Variants in MYO3B observed in about 807,000 individuals in gnomAD.
MYO3B encodes the protein myosin-IIIb.
A neutral mutation model predicts 174.6 loss-of-function variants in MYO3B; 156 were observed. The ratio of observed to expected loss-of-function variants is 0.89; its 90% CI spans 0.78 to 1.02. MYO3B has a LOEUF of 1.02. Among genes scored for constraint, MYO3B ranks in the 50% least tolerant of loss-of-function variants. The probability of loss-of-function intolerance (pLI) is 0.00; values close to 1 mark genes in which losing one functional copy is unlikely to be tolerated. For synonymous variants in MYO3B, 563 were observed against 569.1 expected, an observed-to-expected ratio of 0.99 and a Z score of 0.15; for missense variants, 1,632 against 1,639.4, an observed-to-expected ratio of 1.00 and a Z score of 0.08.
intron 30 of MYO3B, among the ~76,000 whole-genome samples, chr2:170,541,510 AT>A (rs1690103971): frequency 6.6e-6 from 1 of 152,242 alleles, no homozygotes; most frequent in Admixed American, 6.5e-5. Flanking sequence ...TATCTGTATG[AT>A]AGATACAATT....
At chr2:170,622,626 G>C (rs890976344) in intron 32 of MYO3B, among the ~76,000 whole-genome samples, 3 of 151,970 alleles carry the variant, frequency 2.0e-5, no homozygotes, top group Non-Finnish European at 2.9e-5. Context: ...ACAACGTGCA[G>C]GTTTGTTACA....
At chr2:170,246,071 A>G (rs1239255407) in intron 7 of MYO3B, among the ~76,000 whole-genome samples, 2 of 152,206 alleles carry the variant, frequency 1.3e-5, no homozygotes, top group East Asian at 1.9e-4. Context: ...GATAACATGC[A>G]TATTATTTTA....
intron 32 of MYO3B, among the ~76,000 whole-genome samples, chr2:170,624,624 G>A (rs1696243424): frequency 6.6e-6 from 1 of 152,170 alleles, no homozygotes; most frequent in African/African-American, 2.4e-5. Context: ...TGGTGAGAGA[G>A]GGCATCCTTG....
At chr2:170,318,690 G>A (rs1161165997) in intron 7 of MYO3B, among the ~76,000 whole-genome samples, 1 of 152,198 alleles carries the variant, frequency 6.6e-6, no homozygotes, top group East Asian at 1.9e-4. Context: ...CCTCTATGCA[G>A]AGAAGACGTA....
chr2:170,279,002 T>C (rs1393238621), intron 7 of MYO3B, among the ~76,000 whole-genome samples: 1 of 152,150 alleles, frequency 6.6e-6, no homozygotes. Context: ...GTAATTCCAT[T>C]GGGTAAATAT....
intron 25 of MYO3B, among the ~76,000 whole-genome samples, chr2:170,470,183 C>T (rs1684900638): frequency 7.3e-6 from 1 of 137,890 alleles, no homozygotes. Flanking sequence ...GTTGTATAAA[C>T]ATGACTACCA....
chr2:170,632,850 A>G (rs1024354189), intron 32 of MYO3B, among the ~76,000 whole-genome samples: 2 of 152,174 alleles, frequency 1.3e-5, no homozygotes, highest in African/African-American at 4.8e-5. Flanking sequence ...AGAATACTAT[A>G]AACACCTCTA....
chr2:170,333,921 C>T (rs2093929258), intron 7 of MYO3B: 1 of 152,128 alleles, frequency 6.6e-6, no homozygotes, highest in East Asian at 1.9e-4. Context: ...CTGCATGTAC[C>T]AGTGGCTTGA....
intron 32 of MYO3B, among the ~76,000 whole-genome samples, chr2:170,618,488 G>C (rs895663015): frequency 2.6e-5 from 4 of 152,168 alleles, no homozygotes; most frequent in Admixed American, 6.5e-5. Flanking sequence ...GTTTCCTGCT[G>C]TGGTGCTTTT....
intron 32 of MYO3B, among the ~76,000 whole-genome samples, chr2:170,624,183 T>C (rs57982370): frequency 0.012 from 1,838 of 152,360 alleles, 28 homozygotes; most frequent in East Asian, 0.043. Context: ...ATTTTCACAA[T>C]ATTGATTCTT....
At chr2:170,509,463 C>A (rs181722014) in intron 28 of MYO3B, among the ~76,000 whole-genome samples, 2 of 152,306 alleles carry the variant, frequency 1.3e-5, no homozygotes, top group East Asian at 1.9e-4. Flanking sequence ...ACAGTAAAAT[C>A]TTTGTAAAAA....
At chr2:170,558,946 C>T (rs1477123034) in intron 32 of MYO3B, among the ~76,000 whole-genome samples, 2 of 152,208 alleles carry the variant, frequency 1.3e-5, no homozygotes, top group African/African-American at 4.8e-5. Context: ...GCTTAACACA[C>T]TACTTCACAT....
At position 170,499,760 on chromosome 2, in the gene MYO3B, A is replaced by G; in HGVS notation, c.3241A>G (p.Lys1081Glu). ...GGGGTGGCTTGGAGCCAGGAGATAC[A>G]AAAGGGTCAGAGAGAAGAGAGAGAA... ...TKGWLGARRY[K>E]RVREKREKGA... is the part of the protein sequence containing the mutation. The change falls in exon 27 of 35, where the codon AAA becomes GAA. Residue 1081 changes from lysine (K) to glutamate (E), a missense_variant. Transcript: ENST00000408978. 1 of 1,614,114 alleles carries G rather than the reference A, an allele frequency of 6.2e-7. No homozygotes were observed. Among genetic ancestry groups the G allele is most frequent in the Non-Finnish European group, 8.5e-7 (1 of 1,179,974 alleles).
chr2:170,488,412 G>A (rs114839988), intron 25 of MYO3B, among the ~76,000 whole-genome samples: 2,765 of 152,204 alleles, frequency 0.018, 30 homozygotes, highest in Non-Finnish European at 0.029. Flanking sequence ...TTGTGTGTGT[G>A]CCTTTGTGTC....
chr2:170,513,443 A>T (rs1688103622), intron 28 of MYO3B, among the ~76,000 whole-genome samples: 1 of 152,058 alleles, frequency 6.6e-6, no homozygotes, highest in Non-Finnish European at 1.5e-5. Flanking sequence ...TTCCATTGCC[A>T]TATGCGTTCT....
chr2:170,507,425 A>T (rs1228584268), intron 28 of MYO3B, among the ~76,000 whole-genome samples: 3 of 151,638 alleles, frequency 2.0e-5, no homozygotes, highest in Non-Finnish European at 4.4e-5. Flanking sequence ...TTTGAGATGG[A>T]GTCTCACTCT....
intron 32 of MYO3B, among the ~76,000 whole-genome samples, chr2:170,562,825 G>C (rs1401723853): frequency 1.3e-5 from 2 of 152,148 alleles, no homozygotes; most frequent in Non-Finnish European, 2.9e-5. Context: ...TAGCCATGAA[G>C]TGGTGCTTTG....
chr2:170,214,025 C>T (rs960044759), intron 3 of MYO3B, among the ~76,000 whole-genome samples: 1 of 152,090 alleles, frequency 6.6e-6, no homozygotes, highest in African/African-American at 2.4e-5. Context: ...GAAAAATATC[C>T]AATAAGTTGC....
intron 7 of MYO3B, among the ~76,000 whole-genome samples, chr2:170,328,522 CTT>C (rs138412185): frequency 0.029 from 4,437 of 152,268 alleles, 224 homozygotes; most frequent in African/African-American, 0.099. Flanking sequence ...TATATTCTCT[CTT>C]TGCATTCAAG....
Sources: gnomAD v4.1 joint callset for allele counts (sites outside exome capture counted in the v4.1 genomes callset) on GRCh38, gnomAD v4.1.1 for gene constraint, MANE v1.5 for transcripts, NCBI Gene and HGNC (gene_info 2026-07-23, HGNC 2026-07-21) for gene names.